The following ERBB4 variants were observed in gnomAD, a reference collection of about 807,000 sequenced individuals.
ERBB4 encodes erb-b2 receptor tyrosine kinase 4, also known as receptor tyrosine-protein kinase erbB-4.
In ERBB4, 42 loss-of-function variants were observed where a neutral mutation model predicts 158.0. The ratio of observed to expected loss-of-function variants is 0.27; its 90% CI spans 0.21 to 0.34. The LOEUF (loss-of-function observed/expected upper bound fraction) is 0.34, where lower values mean the gene tolerates loss of function less well. Among genes scored for constraint, ERBB4 ranks in the 10% least tolerant of loss-of-function variants. The pLI is 1.00. For missense variants in ERBB4, 1,333 were observed against 1,624.1 expected (o/e 0.82, Z 3.08); for synonymous variants, 583 against 558.7 (o/e 1.04, Z -0.61).
intron 1 of ERBB4, among the ~76,000 whole-genome samples, chr2:212,513,804 T>G (rs1014719997): frequency 2.0e-5 from 3 of 148,394 alleles, no homozygotes; most frequent in Non-Finnish European, 4.4e-5. Flanking sequence ...ACGGCGAGAC[T>G]CCGTCTCAAA....
At chr2:212,027,496 C>G (rs559112482) in intron 2 of ERBB4, among the ~76,000 whole-genome samples, 24 of 152,114 alleles carry the variant, frequency 1.6e-4, no homozygotes, top group African/African-American at 5.5e-4. Context: ...AACAAGAGAT[C>G]CAAGCACAGT....
At position 211,526,427 on chromosome 2, in the gene ERBB4, T is replaced by C. The variant is rs572580393; in HGVS notation, c.2487+35476A>G. Among the ~76,000 whole-genome samples, 4 of 152,296 alleles carry C rather than the reference T, an allele frequency of 2.6e-5. No individual in the cohort carries two copies. The East Asian group carries it at 7.7e-4, about 29-fold the overall frequency. On this transcript the variant is annotated intron_variant, in intron 20 of 27. Coordinates refer to ENST00000342788, the MANE Select transcript of ERBB4 (RefSeq NM_005235.3). ...GAAAGAACAAGCACATTACTGCCCTTGGAGATCCTCCTGATGCAGATATGG... is the reference window on the plus strand; with the variant it reads ...GAAAGAACAAGCACATTACTGCCCTCGGAGATCCTCCTGATGCAGATATGG...
intron 19 of ERBB4, among the ~76,000 whole-genome samples, chr2:211,573,376 A>T (rs2067792584): frequency 6.6e-6 from 1 of 152,144 alleles, no homozygotes; most frequent in Non-Finnish European, 1.5e-5. Flanking sequence ...TTTCAGTTAA[A>T]TTGTTTCAGA....
At chr2:211,841,421 C>A (rs1426641930) in intron 3 of ERBB4, among the ~76,000 whole-genome samples, 1 of 151,970 alleles carries the variant, frequency 6.6e-6, no homozygotes, top group East Asian at 1.9e-4. Flanking sequence ...ATAACATCAT[C>A]ATGAAATGCT....
intron 2 of ERBB4, among the ~76,000 whole-genome samples, chr2:212,051,963 G>A (rs886416565): frequency 1.3e-5 from 2 of 152,062 alleles, no homozygotes; most frequent in Non-Finnish European, 1.5e-5. Flanking sequence ...TTTTTGTGAT[G>A]GTTAATATTG....
chr2:211,813,871 A>C (rs1438245039), intron 3 of ERBB4, among the ~76,000 whole-genome samples: 5 of 152,170 alleles, frequency 3.3e-5, no homozygotes, highest in Non-Finnish European at 1.5e-5. Context: ...TTAAATTAGT[A>C]ATTCTCTTTT....
intron 20 of ERBB4, among the ~76,000 whole-genome samples, chr2:211,529,135 C>A (rs375164352): frequency 5.1e-4 from 72 of 142,524 alleles, no homozygotes; most frequent in African/African-American, 1.1e-3. Context: ...AGAGGAGACC[C>A]AAATTAAAAA....
chr2:212,309,257 G>A (rs115220943), intron 1 of ERBB4, among the ~76,000 whole-genome samples: 1 of 150,794 alleles, frequency 6.6e-6, no homozygotes, highest in Admixed American at 6.6e-5. Flanking sequence ...AACACTTTTA[G>A]TCTGTTTTGA....
At chr2:211,579,362 A>C (rs1254668108) in intron 19 of ERBB4, among the ~76,000 whole-genome samples, 3 of 152,200 alleles carry the variant, frequency 2.0e-5, no homozygotes, top group African/African-American at 7.2e-5. Context: ...AATGTAAATT[A>C]GTTCAACCAT....
chr2:212,197,001 G>A (rs6435699), intron 1 of ERBB4, among the ~76,000 whole-genome samples: 21,707 of 151,986 alleles, frequency 0.14, 1,694 homozygotes, highest in South Asian at 0.27. Context: ...TGATGTCTAC[G>A]GGTTGTTTTT....
chr2:212,307,209 A>T (rs936743449), intron 1 of ERBB4, among the ~76,000 whole-genome samples: 3 of 151,144 alleles, frequency 2.0e-5, no homozygotes, highest in Admixed American at 6.6e-5. Context: ...GGATCAGATG[A>T]CCTTTCAGAT....
chr2:211,850,020 A>G (rs925367767), intron 3 of ERBB4, among the ~76,000 whole-genome samples: 2 of 152,026 alleles, frequency 1.3e-5, no homozygotes, highest in African/African-American at 4.8e-5. Flanking sequence ...GCTGCCTGCA[A>G]TTATCACACT....
Position 211,377,077 on chromosome 2 carries a change from A to AG in ERBB4, c.*6537dup, listed in dbSNP as rs2062487867. On this transcript the variant is annotated 3_prime_UTR_variant, in exon 28 of 28. Transcript: ENST00000342788. ...AGTTGATTACTGGAGTAATCCCAAA[A>AG]GGGTTCTTGGAGTGCTATGGTTGTA... 4.3e-6 allele frequency: 1 copy of AG among 232,782 alleles called. No individual in the cohort carries two copies. The highest frequency in any genetic ancestry group is 2.2e-5 in the African/African-American group (1 of 45,262). The allele number at this position is 232,782 out of a possible 1,614,324, so 14.4% of individuals were successfully genotyped here. A position where few individuals can be genotyped will look rare whatever the true frequency, so the allele number is the denominator to read the frequency against.
At chr2:211,522,485 CGTT>C (rs1410061949) in intron 20 of ERBB4, among the ~76,000 whole-genome samples, 1 of 152,074 alleles carries the variant, frequency 6.6e-6, no homozygotes, top group Admixed American at 6.5e-5. Flanking sequence ...ATGGTGAAGG[CGTT>C]GTGAACATTA....
chr2:211,527,963 C>T (rs536246262), intron 20 of ERBB4, among the ~76,000 whole-genome samples: 3 of 152,080 alleles, frequency 2.0e-5, no homozygotes, highest in East Asian at 3.9e-4. Context: ...AAGAAGACCA[C>T]AAAACAACCA....
chr2:211,878,598 T>C (rs560823783), intron 3 of ERBB4, among the ~76,000 whole-genome samples: 2 of 151,234 alleles, frequency 1.3e-5, no homozygotes, highest in Non-Finnish European at 2.9e-5. Flanking sequence ...ATTTTAAACA[T>C]GGCATGGAGA....
intron 20 of ERBB4, among the ~76,000 whole-genome samples, chr2:211,554,918 C>A (rs2067197119): frequency 6.6e-6 from 1 of 152,218 alleles, no homozygotes; most frequent in South Asian, 2.1e-4. Context: ...AAAACAGAAA[C>A]ACCTCACATA....
intron 19 of ERBB4, among the ~76,000 whole-genome samples, chr2:211,600,780 T>G (rs1438890145): frequency 6.6e-6 from 1 of 152,146 alleles, no homozygotes; most frequent in African/African-American, 2.4e-5. Context: ...TTGGTTTTTT[T>G]TGAATGTCCA....
chr2:211,789,174 C>G (rs969677130), intron 3 of ERBB4, among the ~76,000 whole-genome samples: 1 of 152,090 alleles, frequency 6.6e-6, no homozygotes, highest in African/African-American at 2.4e-5. Flanking sequence ...ACCACATTTC[C>G]CCTTCCTGTT....
Sources: allele counts gnomAD v4.1 joint callset (sites outside exome capture counted in the v4.1 genomes callset), GRCh38; gene constraint gnomAD v4.1.1; transcripts MANE v1.5; gene names NCBI Gene and HGNC (gene_info 2026-07-23, HGNC 2026-07-21).